The following GAS7 variants were observed in gnomAD, a reference collection of about 807,000 sequenced individuals.
GAS7 encodes growth arrest-specific protein 7.
GAS7 carries 28 observed loss-of-function variants against 71.1 expected under a neutral mutation model. The ratio of observed to expected loss-of-function variants is 0.39; its 90% CI spans 0.29 to 0.54. The LOEUF (loss-of-function observed/expected upper bound fraction) is 0.54, where lower values mean the gene tolerates loss of function less well. Ranked by LOEUF, GAS7 falls within the 20% of genes least tolerant of loss-of-function variation. The pLI is 0.62. For synonymous variants in GAS7, 258 were observed against 245.8 expected, an observed-to-expected ratio of 1.05 and a Z score of -0.46; for missense variants, 436 against 627.8, an observed-to-expected ratio of 0.69 and a Z score of 3.27.
intron 1 of GAS7, among the ~76,000 whole-genome samples, chr17:10,082,492 T>C (rs1345344349): frequency 3.3e-5 from 5 of 152,190 alleles, no homozygotes; most frequent in Non-Finnish European, 7.4e-5. Flanking sequence ...GCTAAAAGAA[T>C]TTTTGTTAAT....
chr17:9,995,658 C>T (rs1226411995), intron 2 of GAS7, among the ~76,000 whole-genome samples: 1 of 152,136 alleles, frequency 6.6e-6, no homozygotes, highest in Non-Finnish European at 1.5e-5. Flanking sequence ...CTGATAACCC[C>T]TATCTAACCA....
chr17:10,062,792 C>T (rs1027266878), intron 1 of GAS7, among the ~76,000 whole-genome samples: 1 of 152,200 alleles, frequency 6.6e-6, no homozygotes, highest in Admixed American at 6.5e-5. Flanking sequence ...TCTTCTCTCC[C>T]CCAGGAGTGC....
intron 1 of GAS7, among the ~76,000 whole-genome samples, chr17:10,081,586 A>G (rs980025755): frequency 3.9e-5 from 6 of 152,244 alleles, no homozygotes; most frequent in African/African-American, 1.4e-4. Flanking sequence ...GCAATGACTG[A>G]AAGACTGCGA....
At chr17:10,022,912 G>C (rs1212523039) in intron 1 of GAS7, among the ~76,000 whole-genome samples, 1 of 152,210 alleles carries the variant, frequency 6.6e-6, no homozygotes, top group Non-Finnish European at 1.5e-5. Flanking sequence ...CTGGTGAGAG[G>C]GCTGGGCAGT....
At chr17:10,183,566 G>A (rs935405070) in intron 1 of GAS7, among the ~76,000 whole-genome samples, 16 of 152,182 alleles carry the variant, frequency 1.1e-4, no homozygotes, top group Non-Finnish European at 2.1e-4. Flanking sequence ...CTGGCTGGGC[G>A]CGGTGGCTCA....
intron 2 of GAS7, among the ~76,000 whole-genome samples, chr17:10,005,136 TGC>T (rs1171378158): frequency 4.8e-5 from 7 of 145,580 alleles, no homozygotes; most frequent in East Asian, 4.2e-4. Flanking sequence ...CCAGCATGTG[TGC>T]GCGCACGCAT....
intron 1 of GAS7, among the ~76,000 whole-genome samples, chr17:10,112,240 A>G (rs2073820511): frequency 1.3e-5 from 2 of 152,326 alleles, no homozygotes; most frequent in South Asian, 4.1e-4. Context: ...ACGTGACCGA[A>G]GACACACAGC....
chr17:10,032,207 C>T (rs957304835), intron 1 of GAS7, among the ~76,000 whole-genome samples: 2 of 151,576 alleles, frequency 1.3e-5, no homozygotes, highest in African/African-American at 4.9e-5. Flanking sequence ...TATTAAATGA[C>T]AAGGTAGACT....
At chr17:9,971,225 C>A (rs958269683) in intron 3 of GAS7, among the ~76,000 whole-genome samples, 23 of 151,484 alleles carry the variant, frequency 1.5e-4, no homozygotes, top group African/African-American at 5.3e-4. Flanking sequence ...AGTGAGACCC[C>A]ATCTCTATTT....
At chr17:10,055,617 G>A (rs907059544) in intron 1 of GAS7, among the ~76,000 whole-genome samples, 6 of 152,164 alleles carry the variant, frequency 3.9e-5, no homozygotes, top group African/African-American at 1.2e-4. Flanking sequence ...GCCATCTCCC[G>A]GAGACAGTCC....
chr17:10,060,196 A>G (rs1012913109), intron 1 of GAS7, among the ~76,000 whole-genome samples: 6 of 152,256 alleles, frequency 3.9e-5, no homozygotes, highest in African/African-American at 1.4e-4. Context: ...CTGGTGCTTT[A>G]GTAAGGGTGC....
intron 1 of GAS7, among the ~76,000 whole-genome samples, chr17:10,095,915 T>C (rs767596165): frequency 6.6e-6 from 1 of 152,144 alleles, no homozygotes; most frequent in Non-Finnish European, 1.5e-5. Flanking sequence ...CTTTGCAGAA[T>C]GACGTGTTCT....
chr17:9,976,090 T>C (rs1315613975), intron 3 of GAS7, among the ~76,000 whole-genome samples: 1 of 152,260 alleles, frequency 6.6e-6, no homozygotes, highest in African/African-American at 2.4e-5. Flanking sequence ...AATACCTTTC[T>C]GTTCCAGAAA....
At chr17:9,950,972 A>G (rs115757474) in intron 5 of GAS7, among the ~76,000 whole-genome samples, 7,782 of 152,248 alleles carry the variant, frequency 0.051, 679 homozygotes, top group African/African-American at 0.18. Flanking sequence ...CCCAGGCCTC[A>G]GCAGCCTCAG....
intron 1 of GAS7, among the ~76,000 whole-genome samples, chr17:10,167,169 T>C (rs537985655): frequency 1.6e-4 from 23 of 146,574 alleles, no homozygotes; most frequent in Middle Eastern, 3.5e-3. Flanking sequence ...GCGATCCTCC[T>C]GCCTCAGCCT....
chr17:10,138,225 A>T (rs546818185), intron 1 of GAS7, among the ~76,000 whole-genome samples: 1 of 151,920 alleles, frequency 6.6e-6, no homozygotes, highest in African/African-American at 2.4e-5. Context: ...TCGGCCTCCC[A>T]AAGTGCTGGG....
chr17:10,148,318 T>C (rs1324647965), intron 1 of GAS7, among the ~76,000 whole-genome samples: 1 of 152,002 alleles, frequency 6.6e-6, no homozygotes, highest in East Asian at 1.9e-4. Flanking sequence ...AAGAATCCTC[T>C]CTCAGTTAAG....
intron 1 of GAS7, among the ~76,000 whole-genome samples, chr17:10,090,757 G>A (rs936632440): frequency 6.6e-6 from 1 of 152,148 alleles, no homozygotes; most frequent in Non-Finnish European, 1.5e-5. Context: ...GTTTTTGGAT[G>A]AGGACGTGGA....
At chr17:10,150,584 T>TAA (rs1361612368) in intron 1 of GAS7, among the ~76,000 whole-genome samples, 1 of 101,542 alleles carries the variant, frequency 9.8e-6, no homozygotes, top group Non-Finnish European at 1.9e-5. Flanking sequence ...ATGAGGCTGT[T>TAA]ACATTTCTTT....
Sources: gnomAD v4.1 joint callset for allele counts (sites outside exome capture counted in the v4.1 genomes callset) on GRCh38, gnomAD v4.1.1 for gene constraint, MANE v1.5 for transcripts, NCBI Gene and HGNC (gene_info 2026-07-23, HGNC 2026-07-21) for gene names.